CMC2: variants seen among roughly 807,000 people sequenced by gnomAD.
CMC2 encodes the protein C-X9-C motif containing 2.
In CMC2, 5 loss-of-function variants were observed where a neutral mutation model predicts 7.5. That is an observed-to-expected ratio of 0.66 (90% CI 0.35 to 1.40). CMC2 has a LOEUF of 1.40. Ranked by LOEUF, CMC2 falls within the 40% of genes most tolerant of loss-of-function variation. The pLI, the probability that CMC2 is intolerant of heterozygous loss-of-function variation, is 0.04. For synonymous variants in CMC2, 37 were observed against 31.4 expected (o/e 1.18, Z -0.60); for missense variants, 115 against 92.3 (o/e 1.25, Z -1.01).
chr16:80,975,972 T>A lies in CMC2; in HGVS notation c.*121A>T, dbSNP rs2151610108. On this transcript the variant is annotated 3_prime_UTR_variant, in exon 4 of 4. Transcript: ENST00000219400. The stretch of plus-strand genomic sequence containing the variant: ...GTTTTCATATTTCTCCATGGTTCAA[T>A]CTCTCACAGGTCACTTTCCATTCAA... 1.5e-6 allele frequency: 1 copy of A among 669,176 alleles called. No homozygotes were observed. Among genetic ancestry groups the A allele is most frequent in the Non-Finnish European group, 2.7e-6 (1 of 376,042 alleles). The allele number at this position is 669,176 out of a possible 1,614,324, so 41.5% of individuals were successfully genotyped here. A position where few individuals can be genotyped will look rare whatever the true frequency, so the allele number is the denominator to read the frequency against.
At position 80,974,660 on chromosome 16, in the gene CMC2, T is replaced by C. The variant is rs991529810; in HGVS notation, c.*1433A>G. 1.2e-4 allele frequency: 19 copies of C among 152,236 alleles called. No homozygotes were observed. The highest frequency in any genetic ancestry group is 4.6e-4 in the African/African-American group (19 of 41,464). 9.4% of individuals were successfully genotyped at this position (152,236 alleles called of 1,614,324 possible). On this transcript the variant is annotated 3_prime_UTR_variant, in exon 4 of 4. Coordinates refer to ENST00000219400, the MANE Select transcript of CMC2 (RefSeq NM_020188.5). ...GAACATGAAAGTCCTCTGTCTTCTA[T>C]GACATCTACCTAATCATGGCACTTT... is the stretch of plus-strand genomic sequence containing the variant.
At chr16:80,995,934 TA>T (rs1210337487) in intron 2 of CMC2, among the ~76,000 whole-genome samples, 1 of 152,110 alleles carries the variant, frequency 6.6e-6, no homozygotes, top group Admixed American at 6.5e-5. Flanking sequence ...TCAATAAAGT[TA>T]ATTTTTTAAA....
chr16:80,985,456 T>G (rs1967446914), intron 2 of CMC2, among the ~76,000 whole-genome samples: 1 of 152,160 alleles, frequency 6.6e-6, no homozygotes, highest in Non-Finnish European at 1.5e-5. Flanking sequence ...AAAATAAGAT[T>G]TTCGTGAAAA....
At chr16:80,988,102 T>C (rs1967679171) in intron 2 of CMC2, among the ~76,000 whole-genome samples, 2 of 152,182 alleles carry the variant, frequency 1.3e-5, no homozygotes, top group Non-Finnish European at 2.9e-5. Context: ...AAGGATCACT[T>C]GAGCCCAGGA....
intron 2 of CMC2, among the ~76,000 whole-genome samples, chr16:80,985,620 T>A (rs552830795): frequency 6.6e-6 from 1 of 152,020 alleles, no homozygotes; most frequent in African/African-American, 2.4e-5. Flanking sequence ...GAATCCTAAA[T>A]AATGTTAAAA....
Position 80,981,890 on chromosome 16 carries a change from A to C in CMC2, c.82-13T>G, listed in dbSNP as rs149360161. On this transcript the variant is annotated splice_polypyrimidine_tract_variant and intron_variant, in intron 2 of 3. Coordinates refer to ENST00000219400, the MANE Select transcript of CMC2 (RefSeq NM_020188.5). The stretch of plus-strand genomic sequence containing the variant: ...TCAGAATGTTGTGCTAAAAGGAAGA[A>C]AAGGAGTAAAATATTTCATCCCATA... 2 of 1,569,762 alleles carry C rather than the reference A, an allele frequency of 1.3e-6. No individual in the cohort carries two copies. Among genetic ancestry groups the C allele is most frequent in the African/African-American group, 1.3e-5 (1 of 74,106 alleles).
chr16:80,975,199 A>C lies in CMC2; in HGVS notation c.*894T>G, dbSNP rs1912191802. The C allele has an allele frequency of 6.6e-6, 1 of 152,286 alleles. No individual in the cohort carries two copies. The highest frequency in any genetic ancestry group is 1.5e-5 in the Non-Finnish European group (1 of 68,062). 9.4% of individuals were successfully genotyped at this position (152,286 alleles called of 1,614,324 possible). On this transcript the variant is annotated 3_prime_UTR_variant, in exon 4 of 4. Coordinates refer to ENST00000219400, the MANE Select transcript of CMC2 (RefSeq NM_020188.5). ...AGCAGAGAGGAGACACACTGGCCTA[A>C]GGTTAATGTCCAGGAGTTAACTGGC...
chr16:80,990,650 T>C (rs984799813), intron 2 of CMC2, among the ~76,000 whole-genome samples: 1 of 152,236 alleles, frequency 6.6e-6, no homozygotes, highest in African/African-American at 2.4e-5. Flanking sequence ...ATACTATAAA[T>C]ACTGTTTTGT....
intron 1 of CMC2, among the ~76,000 whole-genome samples, chr16:81,004,941 G>C (rs945986135): frequency 1.2e-4 from 18 of 152,242 alleles, no homozygotes; most frequent in Admixed American, 5.9e-4. Flanking sequence ...GAAGAACCCT[G>C]TATTTTAATG....
At chr16:81,001,271 C>T (rs1183258003) in intron 1 of CMC2, 1 of 152,088 alleles carries the variant, frequency 6.6e-6, no homozygotes, top group African/African-American at 2.4e-5. Context: ...TCAACAGTAC[C>T]CCAAACCTCA....
Position 80,976,183 on chromosome 16 carries a change from A to T in CMC2, c.154-4T>A, listed in dbSNP as rs1912317036. On this transcript the variant is annotated splice_polypyrimidine_tract_variant and splice_region_variant and intron_variant, in intron 3 of 3. Coordinates refer to ENST00000219400, the MANE Select transcript of CMC2 (RefSeq NM_020188.5). The stretch of plus-strand genomic sequence containing the variant: ...TCTTGGTCCTGTTTTCTACGTACTG[A>T]AAAATAAAAGAAGGGGGGGAGAAAA... 1 of 1,535,480 alleles carries T rather than the reference A, an allele frequency of 6.5e-7. No individual in the cohort carries two copies. The highest frequency in any genetic ancestry group is 8.9e-7 in the Non-Finnish European group (1 of 1,119,926).
chr16:80,986,322 C>A (rs1967531996), intron 2 of CMC2, among the ~76,000 whole-genome samples: 1 of 152,088 alleles, frequency 6.6e-6, no homozygotes, highest in African/African-American at 2.4e-5. Flanking sequence ...TACACTCCAG[C>A]CTGGGCGACA....
intron 3 of CMC2, among the ~76,000 whole-genome samples, chr16:80,978,864 A>G (rs1351341668): frequency 2.6e-5 from 4 of 152,116 alleles, no homozygotes; most frequent in Non-Finnish European, 5.9e-5. Context: ...GGCGGATAAC[A>G]AGCTCAGAAG....
chr16:80,984,728 T>C (rs16954396), intron 2 of CMC2, among the ~76,000 whole-genome samples: 10,593 of 152,238 alleles, frequency 0.07, 1,178 homozygotes, highest in African/African-American at 0.24. Flanking sequence ...TGAGGCAATA[T>C]TACATAGTTG....
chr16:80,976,087 T>A lies in CMC2; in HGVS notation c.*6A>T. ...TCTCAGCCAAGGCATCGAGTGAAAATACAATTTATTTTTCGGATTCCTCTG... is the reference window on the plus strand; with the variant it reads ...TCTCAGCCAAGGCATCGAGTGAAAAAACAATTTATTTTTCGGATTCCTCTG... On this transcript the variant is annotated 3_prime_UTR_variant, in exon 4 of 4. Transcript: ENST00000219400. 1.9e-6 allele frequency: 3 copies of A among 1,546,136 alleles called. No homozygotes were observed. The highest frequency in any genetic ancestry group is 2.7e-6 in the Non-Finnish European group (3 of 1,118,656).
intron 2 of CMC2, chr16:80,984,223 A>G (rs1250330234): frequency 6.6e-6 from 1 of 152,206 alleles, no homozygotes; most frequent in African/African-American, 2.4e-5. Flanking sequence ...GAACATAATT[A>G]GTGTGTTTGC....
chr16:80,977,858 G>A (rs768349930), intron 3 of CMC2, among the ~76,000 whole-genome samples: 7 of 152,134 alleles, frequency 4.6e-5, no homozygotes, highest in East Asian at 3.8e-4. Context: ...GATCACCTGA[G>A]GTCAGGAGTT....
chr16:80,981,911 C>T, intron 2 of CMC2, 34 bp from the exon 3 acceptor site: 5 of 1,368,250 alleles, frequency 3.7e-6, no homozygotes, highest in Non-Finnish European at 5.2e-6. Context: ...ATATTTCATC[C>T]CATAATATGC....
intron 2 of CMC2, among the ~76,000 whole-genome samples, chr16:80,992,758 G>T (rs1427806885): frequency 6.9e-6 from 1 of 145,210 alleles, no homozygotes; most frequent in East Asian, 2.0e-4. Flanking sequence ...CACACAGGCT[G>T]ATGTGTTGTA....
Sources: gnomAD v4.1 joint callset for allele counts (sites outside exome capture counted in the v4.1 genomes callset) on GRCh38, gnomAD v4.1.1 for gene constraint, MANE v1.5 for transcripts, NCBI Gene and HGNC (gene_info 2026-07-23, HGNC 2026-07-21) for gene names.